Variants in SP140L observed in about 807,000 individuals in gnomAD.
SP140L encodes SP140 like nuclear body protein, also known as nuclear body protein SP140-like protein.
SP140L carries 64 observed loss-of-function variants against 84.3 expected under a neutral mutation model. The observed-to-expected ratio is 0.76, with a 90% CI of 0.62 to 0.94. SP140L has a LOEUF of 0.94. Among genes scored for constraint, SP140L ranks in the 40% least tolerant of loss-of-function variants. The probability of loss-of-function intolerance (pLI) is 0.00; values close to 1 mark genes in which losing one functional copy is unlikely to be tolerated. For missense variants in SP140L, 628 were observed against 692.5 expected (o/e 0.91, Z 1.05); for synonymous variants, 242 against 236.9 (o/e 1.02, Z -0.20).
intron 2 of SP140L, among the ~76,000 whole-genome samples, chr2:230,351,220 A>G (rs2060354952): frequency 6.6e-6 from 1 of 152,340 alleles, no homozygotes; most frequent in East Asian, 1.9e-4. Flanking sequence ...GGCTGCAGTA[A>G]TTCATGCTCA....
In SP140L at chr2:230,357,857, T is replaced by G. The variant is rs752127386; in HGVS notation, c.160T>G (p.Phe54Val). 51 of 1,614,110 alleles carry G rather than the reference T, an allele frequency of 3.2e-5. No individual in the cohort carries two copies. Among genetic ancestry groups the G allele is most frequent in the Non-Finnish European group, 4.2e-5 (50 of 1,179,960 alleles). The change falls in exon 3 of 19, where the codon TTC (phenylalanine) becomes GTC (valine). Residue 54 changes from phenylalanine to valine, a missense_variant. Coordinates refer to ENST00000415673, the MANE Select transcript of SP140L (RefSeq NM_138402.6). ...TGAGGGACTTGTCTATGACACTGTA[T>G]TCAAGCACTTCAAAAGACATAAGCT... ...VDEGLVYDTV[F>V]KHFKRHKLEI...
At chr2:230,335,051 G>A (rs1050352132) in intron 2 of SP140L, among the ~76,000 whole-genome samples, 15 of 151,722 alleles carry the variant, frequency 9.9e-5, no homozygotes, top group Non-Finnish European at 1.3e-4. Flanking sequence ...AACTCCTAAC[G>A]TTGTTTATTG....
intron 5 of SP140L, among the ~76,000 whole-genome samples, chr2:230,369,633 G>A (rs759746667): frequency 9.2e-5 from 14 of 152,222 alleles, no homozygotes; most frequent in African/African-American, 2.2e-4. Context: ...AGGGGGCTGC[G>A]GCTGATTGGC....
rs2061481057 is a variant in SP140L at position 230,383,689 on chromosome 2, C to T, written c.703+114C>T. 4 of 1,010,634 alleles carry T rather than the reference C, an allele frequency of 4.0e-6. No homozygotes were observed. The South Asian group carries it at 7.6e-5, about 19-fold the overall frequency. 62.6% of individuals were successfully genotyped at this position (1,010,634 alleles called of 1,614,324 possible). A position where few individuals can be genotyped will look rare whatever the true frequency, so the allele number is the denominator to read the frequency against. On this transcript the variant is annotated intron_variant, in intron 8 of 18. Transcript: ENST00000415673. ...CAGGAGAGTTCTGTACTTCCTGTATCCGTTAGGATGTAGACCAACAGGCTG... is the reference window on the plus strand; with the variant it reads ...CAGGAGAGTTCTGTACTTCCTGTATTCGTTAGGATGTAGACCAACAGGCTG...
In SP140L at chr2:230,400,949, T is replaced by C; in HGVS notation, c.1314-6T>C. 6.6e-7 allele frequency: 1 copy of C among 1,506,154 alleles called. No homozygotes were observed. The highest frequency in any genetic ancestry group is 9.0e-7 in the Non-Finnish European group (1 of 1,108,908). 93.3% of individuals were successfully genotyped at this position (1,506,154 alleles called of 1,614,324 possible). On this transcript the variant is annotated splice_region_variant and splice_polypyrimidine_tract_variant and intron_variant, in intron 15 of 18. Coordinates refer to ENST00000415673, the MANE Select transcript of SP140L (RefSeq NM_138402.6). The stretch of plus-strand genomic sequence containing the variant: ...GCCCTCTGCTCACCCATGTCCAATC[T>C]CTCAGGACCCCGTGGAATTGCATCT...
intron 5 of SP140L, 46 bp from the exon 6 acceptor site, chr2:230,370,862 C>T: frequency 1.3e-6 from 2 of 1,592,952 alleles, no homozygotes; most frequent in South Asian, 2.2e-5. Context: ...AGCAGAGCGA[C>T]CAGCATGTGA....
At chr2:230,368,687 C>G (rs373672815) in intron 5 of SP140L, among the ~76,000 whole-genome samples, 1 of 152,164 alleles carries the variant, frequency 6.6e-6, no homozygotes, top group East Asian at 1.9e-4. Context: ...TTTCAGACAA[C>G]CTGTCTGAGT....
chr2:230,361,578 A>C (rs376661658), intron 4 of SP140L, 36 bp from the exon 5 acceptor site: 24 of 1,503,120 alleles, frequency 1.6e-5, no homozygotes, highest in Non-Finnish European at 2.2e-5. Context: ...GTTCTCACAG[A>C]TCTTTAATTG....
At chr2:230,368,050 G>T (rs1228801106) in intron 5 of SP140L, among the ~76,000 whole-genome samples, 3 of 152,128 alleles carry the variant, frequency 2.0e-5, no homozygotes, top group Admixed American at 2.0e-4. Context: ...TTTTGACTGT[G>T]GACTTATTTT....
At chr2:230,385,519 CCT>C (rs1277970916) in intron 9 of SP140L, among the ~76,000 whole-genome samples, 1 of 152,068 alleles carries the variant, frequency 6.6e-6, no homozygotes, top group African/African-American at 2.4e-5. Context: ...AAGTTGTTTT[CCT>C]CTGTGTTTTA....
chr2:230,337,975 C>T (rs1196795878), intron 2 of SP140L, among the ~76,000 whole-genome samples: 6 of 149,964 alleles, frequency 4.0e-5, no homozygotes, highest in East Asian at 3.9e-4. Flanking sequence ...CTTGGCAATG[C>T]GGGCTCTTTT....
chr2:230,342,181 A>T (rs2060069002), intron 2 of SP140L: 1 of 163,264 alleles, frequency 6.1e-6, no homozygotes, highest in Admixed American at 6.5e-5. Context: ...CAGGTGTGGG[A>T]TATAATCTCG....
intron 3 of SP140L, 22 bp from the exon 4 acceptor site, chr2:230,358,942 T>C (rs372349424): frequency 1.9e-6 from 3 of 1,549,510 alleles, no homozygotes; most frequent in Non-Finnish European, 2.6e-6. Context: ...ATTTGTATTT[T>C]CTCCATTCAA....
intron 10 of SP140L, among the ~76,000 whole-genome samples, chr2:230,389,052 TTGAC>T (rs1189025787): frequency 1.3e-5 from 2 of 152,208 alleles, no homozygotes; most frequent in African/African-American, 4.8e-5. Flanking sequence ...TAAAAAATCT[TTGAC>T]TGTGTGATCT....
intron 2 of SP140L, among the ~76,000 whole-genome samples, chr2:230,348,524 T>C (rs1167480241): frequency 6.6e-6 from 1 of 152,228 alleles, no homozygotes; most frequent in Non-Finnish European, 1.5e-5. Flanking sequence ...CATGTGTCTT[T>C]CGGAGAAATA....
chr2:230,396,130 TG>T (rs1466148930), intron 13 of SP140L, among the ~76,000 whole-genome samples: 8 of 152,272 alleles, frequency 5.3e-5, no homozygotes, highest in African/African-American at 1.9e-4. Flanking sequence ...GAAATATGCC[TG>T]AGGGCCCCTT....
intron 2 of SP140L, among the ~76,000 whole-genome samples, chr2:230,342,519 C>A (rs1315480100): frequency 2.6e-5 from 4 of 152,152 alleles, no homozygotes; most frequent in Non-Finnish European, 5.9e-5. Context: ...GCTCCCGGAG[C>A]CTGCGTTTTT....
chr2:230,371,862 AT>A, intron 7 of SP140L: 1 of 542,440 alleles, frequency 1.8e-6, no homozygotes, highest in Non-Finnish European at 3.4e-6. Flanking sequence ...GATACAATTA[AT>A]TTAGAGACCT....
At chr2:230,345,079 A>G (rs112192555) in intron 2 of SP140L, among the ~76,000 whole-genome samples, 1 of 152,174 alleles carries the variant, frequency 6.6e-6, no homozygotes, top group Non-Finnish European at 1.5e-5. Flanking sequence ...TTCATCTGTC[A>G]TTGTTAAGGG....
Sources: gnomAD v4.1 joint callset for allele counts (sites outside exome capture counted in the v4.1 genomes callset) on GRCh38, gnomAD v4.1.1 for gene constraint, MANE v1.5 for transcripts, NCBI Gene and HGNC (gene_info 2026-07-23, HGNC 2026-07-21) for gene names.